The following CELF2 variants were observed in gnomAD, a reference collection of about 807,000 sequenced individuals.
CELF2 encodes the protein CUGBP Elav-like family member 2.
CELF2 carries 8 observed loss-of-function variants against 62.6 expected under a neutral mutation model. That is an observed-to-expected ratio of 0.13 (90% CI 0.07 to 0.23). CELF2 has a LOEUF of 0.23. Among genes scored for constraint, CELF2 ranks in the 10% least tolerant of loss-of-function variants. CELF2 has a pLI of 1.00. For synonymous variants in CELF2, 258 were observed against 250.0 expected, an observed-to-expected ratio of 1.03 and a Z score of -0.30; for missense variants, 333 against 671.0, an observed-to-expected ratio of 0.50 and a Z score of 5.56.
intron 1 of CELF2, among the ~76,000 whole-genome samples, chr10:11,088,781 CTCTG>C (rs1489572278): frequency 2.0e-5 from 3 of 152,190 alleles, no homozygotes; most frequent in Non-Finnish European, 4.4e-5. Flanking sequence ...GATGGCTTGT[CTCTG>C]TCTGACAATG....
At chr10:10,784,073 G>T in the CELF2 span, among the ~76,000 whole-genome samples, 5 of 152,150 alleles carry the variant, frequency 3.3e-5, no homozygotes, top group Non-Finnish European at 5.9e-5. Context: ...CTGAGGTTTA[G>T]ATGGCTCCAG....
intron 1 of CELF2, among the ~76,000 whole-genome samples, chr10:10,849,629 C>T (rs947680648): frequency 1.3e-5 from 2 of 152,078 alleles, no homozygotes; most frequent in Non-Finnish European, 2.9e-5. Context: ...TATTCCCTTA[C>T]ATAACGACAG....
chr10:10,791,198 T>C, the CELF2 span, among the ~76,000 whole-genome samples: 2 of 152,328 alleles, frequency 1.3e-5, no homozygotes, highest in Admixed American at 6.5e-5. Context: ...GCAGAAATTA[T>C]GTTAGAAACA....
chr10:11,083,242 A>G (rs949843775), intron 1 of CELF2, among the ~76,000 whole-genome samples: 6 of 152,218 alleles, frequency 3.9e-5, no homozygotes, highest in African/African-American at 1.4e-4. Flanking sequence ...TGAAAGGACC[A>G]TTATCACTTT....
At chr10:10,616,773 T>A in the CELF2 span, among the ~76,000 whole-genome samples, 7,098 of 150,850 alleles carry the variant, frequency 0.047, 530 homozygotes, top group African/African-American at 0.15. Context: ...AGGCTGGAGT[T>A]CAGTGGCATA....
the CELF2 span, among the ~76,000 whole-genome samples, chr10:10,648,464 A>G: frequency 2.0e-5 from 3 of 152,204 alleles, no homozygotes; most frequent in Non-Finnish European, 4.4e-5. Context: ...CTTATCGCTC[A>G]CTAGTTTCCT....
intron 2 of CELF2, among the ~76,000 whole-genome samples, chr10:10,978,527 A>T (rs1011800614): frequency 7.9e-5 from 12 of 152,352 alleles, no homozygotes; most frequent in African/African-American, 2.9e-4. Flanking sequence ...TAAAGACATC[A>T]AGGTGATAGG....
intron 1 of CELF2, among the ~76,000 whole-genome samples, chr10:11,021,162 C>A (rs559423328): frequency 6.6e-6 from 1 of 151,886 alleles, no homozygotes; most frequent in South Asian, 2.1e-4. Flanking sequence ...TTAAACAAAG[C>A]TAATAAATAA....
intron 8 of CELF2, among the ~76,000 whole-genome samples, chr10:11,284,618 G>T: frequency 6.6e-6 from 1 of 151,128 alleles, no homozygotes; most frequent in Non-Finnish European, 1.5e-5. Flanking sequence ...AGATGGATGG[G>T]TGGGAGGATC....
intron 9 of CELF2, among the ~76,000 whole-genome samples, chr10:11,295,759 G>C (rs757845111): frequency 6.6e-6 from 1 of 152,198 alleles, no homozygotes; most frequent in Non-Finnish European, 1.5e-5. Flanking sequence ...ACAGTAGTTG[G>C]AAACAGTGTG....
Position 10,906,524 on chromosome 10 carries a change from C to T in CELF2, c.54-13440C>T, listed in dbSNP as rs1015086. Among the ~76,000 whole-genome samples, 232 of 152,194 alleles carry T rather than the reference C, an allele frequency of 1.5e-3. 1 individual carries two copies. Among genetic ancestry groups the T allele is most frequent in the African/African-American group, 5.3e-3 (218 of 41,514 alleles). On this transcript the variant is annotated intron_variant, in intron 1 of 13. Coordinates refer to the CELF2 transcript ENST00000636488. ...TAGATTATGAGAAGGTAGCATTTCA[C>T]TAGTCCTAATTAAGCTGATATTGAC...
chr10:10,551,969 T>G, the CELF2 span, among the ~76,000 whole-genome samples: 1 of 152,076 alleles, frequency 6.6e-6, no homozygotes, highest in South Asian at 2.1e-4. Context: ...CTATATTCCT[T>G]ATTATTTTTA....
chr10:10,477,805 A>G, the CELF2 span, among the ~76,000 whole-genome samples: 2 of 151,214 alleles, frequency 1.3e-5, no homozygotes. Flanking sequence ...CTGGCCCTTT[A>G]TAAGAAGAAT....
At chr10:10,638,741 G>A in the CELF2 span, among the ~76,000 whole-genome samples, 1 of 152,178 alleles carries the variant, frequency 6.6e-6, no homozygotes, top group Non-Finnish European at 1.5e-5. Flanking sequence ...GGCAATAACT[G>A]TTGGCAAAGG....
chr10:11,161,285 C>G (rs1399850196), intron 1 of CELF2, among the ~76,000 whole-genome samples: 1 of 152,196 alleles, frequency 6.6e-6, no homozygotes, highest in South Asian at 2.1e-4. Context: ...CTTAGAGGAG[C>G]CTTCTAGCTG....
At position 11,257,734 on chromosome 10, in the gene CELF2, C is replaced by G; in HGVS notation, c.404-4C>G. ...TTTGCTCATTCGTTATTTTTATCTC[C>G]TAGCTGTGGAAGACAGAAAATTGTT... On this transcript the variant is annotated splice_polypyrimidine_tract_variant and splice_region_variant and intron_variant, in intron 4 of 12. Coordinates refer to ENST00000633077, the MANE Select transcript of CELF2 (RefSeq NM_001326342.2). 6.2e-7 allele frequency: 1 copy of G among 1,613,124 alleles called. No homozygotes were observed. The highest frequency in any genetic ancestry group is 1.7e-4 in the Middle Eastern group (1 of 6,056).
At chr10:11,241,096 G>C (rs746180) in intron 3 of CELF2, among the ~76,000 whole-genome samples, 140 of 152,274 alleles carry the variant, frequency 9.2e-4, no homozygotes, top group Non-Finnish European at 1.7e-3. Context: ...TGACGGCGAA[G>C]GGGAGGCTTC....
chr10:11,014,282 G>A (rs2056919797), upstream of CELF2, among the ~76,000 whole-genome samples: 1 of 152,294 alleles, frequency 6.6e-6, no homozygotes, highest in South Asian at 2.1e-4. Flanking sequence ...GCACATCTTT[G>A]TTCTGTAGTT....
At chr10:10,589,299 G>A in the CELF2 span, among the ~76,000 whole-genome samples, 1 of 152,182 alleles carries the variant, frequency 6.6e-6, no homozygotes, top group African/African-American at 2.4e-5. Context: ...TCATGCAGAT[G>A]AAGCTTCCCA....
Sources: allele counts gnomAD v4.1 joint callset (sites outside exome capture counted in the v4.1 genomes callset), GRCh38; gene constraint gnomAD v4.1.1; transcripts MANE v1.5; gene names NCBI Gene and HGNC (gene_info 2026-07-23, HGNC 2026-07-21).